The following EPHB4 variants were observed in gnomAD, a reference collection of about 807,000 sequenced individuals.
The protein encoded by EPHB4 is EPH receptor B4.
EPHB4 carries 50 observed loss-of-function variants against 110.6 expected under a neutral mutation model. The ratio of observed to expected loss-of-function variants is 0.45; its 90% CI spans 0.36 to 0.57. The LOEUF (loss-of-function observed/expected upper bound fraction) is 0.57. Ranked by LOEUF, EPHB4 falls within the 20% of genes least tolerant of loss-of-function variation. EPHB4 has a pLI of 0.00. For synonymous variants in EPHB4, 592 were observed against 578.4 expected (o/e 1.02, Z -0.34); for missense variants, 1,128 against 1,382.1 (o/e 0.82, Z 2.91).
In EPHB4 at chr7:100,818,996, T is replaced by C. The variant is rs985995144; in HGVS notation, c.1298-352A>G. ...CTCTGCTGGCTACACTTGTCTCAAT[T>C]TCCCCCTGGCTGTTTCGAGAATTCC... On this transcript the variant is annotated intron_variant, in intron 6 of 16. Coordinates refer to ENST00000358173, the MANE Select transcript of EPHB4 (RefSeq NM_004444.5). 2.6e-5 allele frequency among the ~76,000 whole-genome samples: 4 copies of C among 152,300 alleles called. 1 individual carries two copies. Among genetic ancestry groups the C allele is most frequent in the Admixed American group, 2.6e-4 (4 of 15,300 alleles).
chr7:100,815,216 G>A (rs1323733098), intron 8 of EPHB4, among the ~76,000 whole-genome samples: 1 of 151,018 alleles, frequency 6.6e-6, no homozygotes, highest in Non-Finnish European at 1.5e-5. Flanking sequence ...CCAGCTGCTT[G>A]GGAGGCTGAG....
At chr7:100,814,215 G>A in intron 8 of EPHB4, 194 bp from the exon 9 acceptor site, 2 of 562,924 alleles carry the variant, frequency 3.6e-6, no homozygotes, top group East Asian at 3.0e-5. Flanking sequence ...GGGCCAGCAG[G>A]CTCCTCTGAA....
Position 100,827,131 on chromosome 7 carries a change from G to A in EPHB4, c.-101C>T. ...CGGGTGGACGCCGATACTCCGCGCGGGACTCCTCGTCGGGGCCCTCAGCGC... is the reference window on the plus strand; with the variant it reads ...CGGGTGGACGCCGATACTCCGCGCGAGACTCCTCGTCGGGGCCCTCAGCGC... On this transcript the variant is annotated 5_prime_UTR_variant, in exon 1 of 17. Coordinates refer to ENST00000358173, the MANE Select transcript of EPHB4 (RefSeq NM_004444.5). 1 of 1,330,766 alleles carries A rather than the reference G, an allele frequency of 7.5e-7. No individual in the cohort carries two copies. The highest frequency in any genetic ancestry group is 1.0e-6 in the Non-Finnish European group (1 of 979,292). The allele number at this position is 1,330,766 out of a possible 1,614,324, so 82.4% of individuals were successfully genotyped here.
At chr7:100,823,070 T>G (rs1813278539) in intron 3 of EPHB4, among the ~76,000 whole-genome samples, 1 of 152,096 alleles carries the variant, frequency 6.6e-6, no homozygotes, top group South Asian at 2.1e-4. Flanking sequence ...AGAAATCTCT[T>G]GAGCCCAGGA....
Position 100,824,288 on chromosome 7 carries a change from G to C in EPHB4, c.53-15C>G, listed in dbSNP as rs374657457. 5.0e-6 allele frequency: 8 copies of C among 1,613,804 alleles called. No homozygotes were observed. The highest frequency in any genetic ancestry group is 4.0e-5 in the African/African-American group (3 of 74,898). The stretch of plus-strand genomic sequence containing the variant: ...CAGCAGGGTCTCTGAGACAGACAGA[G>C]AGACAGAGTCAGTGCCTGGGGTGGG... On this transcript the variant is annotated splice_polypyrimidine_tract_variant and intron_variant, in intron 1 of 16. Coordinates refer to ENST00000358173, the MANE Select transcript of EPHB4 (RefSeq NM_004444.5).
chr7:100,805,865 C>T (rs1812807801), intron 14 of EPHB4, 171 bp from the exon 15 acceptor site: 3 of 563,620 alleles, frequency 5.3e-6, no homozygotes, highest in Non-Finnish European at 8.3e-6. Context: ...TGGCTGAAGG[C>T]CCCAGCAGCT....
chr7:100,818,710 T>C (rs314364), intron 6 of EPHB4, 66 bp from the exon 7 acceptor site: 22 of 1,459,256 alleles, frequency 1.5e-5, no homozygotes, highest in East Asian at 5.0e-5. Context: ...TTAAAAAAAA[T>C]TTTTTTTTTC....
intron 7 of EPHB4, among the ~76,000 whole-genome samples, chr7:100,818,268 T>C (rs1352589708): frequency 6.6e-6 from 1 of 152,082 alleles, no homozygotes; most frequent in African/African-American, 2.4e-5. Context: ...CCCAAAGTGC[T>C]TGGTATTACA....
At chr7:100,808,271 T>A (rs1471413559) in intron 12 of EPHB4, among the ~76,000 whole-genome samples, 2 of 152,162 alleles carry the variant, frequency 1.3e-5, no homozygotes, top group Non-Finnish European at 2.9e-5. Flanking sequence ...CAGGTTGGAG[T>A]GCAGTGGCAC....
At chr7:100,816,841 C>T (rs896550652) in intron 8 of EPHB4, among the ~76,000 whole-genome samples, 6 of 151,258 alleles carry the variant, frequency 4.0e-5, no homozygotes, top group East Asian at 4.0e-4. Context: ...CCCAGCACTT[C>T]GGGAGGCCGA....
intron 10 of EPHB4, 98 bp from the exon 11 acceptor site, chr7:100,813,306 GTTTT>G (rs750195537): frequency 2.2e-3 from 863 of 384,440 alleles, no homozygotes; most frequent in Middle Eastern, 3.0e-3. Context: ...TGTCTCCGTG[GTTTT>G]TTTTTTTTTT....
intron 1 of EPHB4, chr7:100,824,527 G>T (rs1215386131): frequency 4.0e-6 from 2 of 505,268 alleles, no homozygotes; most frequent in Non-Finnish European, 7.2e-6. Flanking sequence ...CTCCCTGGAG[G>T]AGGGAGGGAG....
At position 100,827,115 on chromosome 7, in the gene EPHB4, G is replaced by T; in HGVS notation, c.-85C>A. 1 of 1,427,208 alleles carries T rather than the reference G, an allele frequency of 7.0e-7. No homozygotes were observed. Among genetic ancestry groups the T allele is most frequent in the South Asian group, 1.3e-5 (1 of 78,800 alleles). The allele number at this position is 1,427,208 out of a possible 1,614,324, so 88.4% of individuals were successfully genotyped here. ...TCTGACTCTCCCTGGGCGGGTGGAC[G>T]CCGATACTCCGCGCGGGACTCCTCG... On this transcript the variant is annotated 5_prime_UTR_variant, in exon 1 of 17. Transcript: ENST00000358173.
Position 100,818,568 on chromosome 7 carries a change from C to G in EPHB4, c.1374G>C (p.Arg458=). The G allele has an allele frequency of 6.2e-7, 1 of 1,613,950 alleles. No homozygotes were observed. The highest frequency in any genetic ancestry group is 1.7e-5 in the Admixed American group (1 of 60,012). ...SSLSLAWAVP[R]APSGAVLDYE... is the part of the protein sequence containing the mutation. ...AGTCCAGCACAGCCCCACTGGGTGC[C>G]CGGGGAACAGCCCAGGCCAGGCTCA... The change falls in exon 7 of 17, where the codon CGG becomes CGC. Residue 458 remains arginine, a synonymous_variant. Coordinates refer to ENST00000358173, the MANE Select transcript of EPHB4 (RefSeq NM_004444.5).
In EPHB4 at chr7:100,807,681, G is replaced by A. The variant is rs571452892; in HGVS notation, c.2119-101C>T. On this transcript the variant is annotated intron_variant, in intron 12 of 16. Transcript: ENST00000358173. ...TTTAGAGACAGGGTCTTGTTCTGTC[G>A]CCCAGGCTGGAGTGCAGTGGTGCCA... 231 of 1,277,618 alleles carry A rather than the reference G, an allele frequency of 1.8e-4. No homozygotes were observed. In the African/African-American group the frequency reaches 2.7e-3, roughly 15 times the overall value. 79.1% of individuals were successfully genotyped at this position (1,277,618 alleles called of 1,614,324 possible).
intron 6 of EPHB4, among the ~76,000 whole-genome samples, chr7:100,819,116 C>A (rs894700833): frequency 1.3e-5 from 2 of 151,470 alleles, no homozygotes; most frequent in Admixed American, 1.3e-4. Flanking sequence ...CTTTCTTATT[C>A]ATTTATTTTG....
At position 100,803,515 on chromosome 7, in the gene EPHB4, G is replaced by T. The variant is rs759204782; in HGVS notation, c.2910C>A (p.Ser970=). 1 of 1,594,242 alleles carries T rather than the reference G, an allele frequency of 6.3e-7. No individual in the cohort carries two copies. The highest frequency in any genetic ancestry group is 1.1e-5 in the South Asian group (1 of 87,604). ...KILASVQHMK[S]QAKPGTPGGT... is the part of the protein sequence containing the mutation. ...CACCCGGGGTTCCCGGCTTGGCCTG[G>T]GACTTCATGTGCTGGACACTGGCCA... is the stretch of plus-strand genomic sequence containing the variant. The change falls in exon 17 of 17, where the codon TCC becomes TCA. Residue 970 remains serine, a synonymous_variant. Transcript: ENST00000358173.
chr7:100,815,771 G>A (rs920796689), intron 8 of EPHB4, among the ~76,000 whole-genome samples: 2 of 152,144 alleles, frequency 1.3e-5, no homozygotes, highest in Admixed American at 6.6e-5. Flanking sequence ...AGGATTGCTC[G>A]AGGTCAGGAA....
intron 12 of EPHB4, among the ~76,000 whole-genome samples, chr7:100,810,403 G>A (rs1584656236): frequency 6.6e-6 from 1 of 152,146 alleles, no homozygotes; most frequent in Admixed American, 6.5e-5. Flanking sequence ...CCTTCAGTGT[G>A]TCAGTGTCAT....
Sources: allele counts gnomAD v4.1 joint callset (sites outside exome capture counted in the v4.1 genomes callset), GRCh38; gene constraint gnomAD v4.1.1; transcripts MANE v1.5; gene names NCBI Gene and HGNC (gene_info 2026-07-23, HGNC 2026-07-21).